The following WWOX variants were observed in gnomAD, a reference collection of about 807,000 sequenced individuals.
WWOX encodes the protein WW domain containing oxidoreductase, also known as WW domain-containing oxidoreductase.
WWOX carries 69 observed loss-of-function variants against 46.2 expected under a neutral mutation model. The observed-to-expected ratio is 1.49, with a 90% CI of 1.23 to 1.82. The LOEUF (loss-of-function observed/expected upper bound fraction) is 1.82. Ranked by LOEUF, WWOX falls within the 40% of genes most tolerant of loss-of-function variation. WWOX has a pLI of 0.00. For missense variants in WWOX, 919 were observed against 542.6 expected (o/e 1.69, Z -6.89); for synonymous variants, 359 against 202.6 (o/e 1.77, Z -6.56).
intron 8 of WWOX, among the ~76,000 whole-genome samples, chr16:79,124,626 G>A (rs914590105): frequency 6.6e-5 from 10 of 152,136 alleles, no homozygotes; most frequent in African/African-American, 2.4e-4. Flanking sequence ...GAGACTTCTT[G>A]TGGAATGATG....
At chr16:78,329,632 G>A (rs1044199755) in intron 5 of WWOX, among the ~76,000 whole-genome samples, 1 of 152,162 alleles carries the variant, frequency 6.6e-6, no homozygotes, top group East Asian at 1.9e-4. Context: ...TCCTGCACAC[G>A]CTTAAGGGAA....
intron 8 of WWOX, among the ~76,000 whole-genome samples, chr16:78,824,839 A>G (rs2151148822): frequency 6.6e-6 from 1 of 152,290 alleles, no homozygotes; most frequent in East Asian, 1.9e-4. Flanking sequence ...GACACACCCA[A>G]AGCATATCAG....
At chr16:78,987,854 A>G (rs78151290) in intron 8 of WWOX, among the ~76,000 whole-genome samples, 3,223 of 152,292 alleles carry the variant, frequency 0.021, 172 homozygotes, top group East Asian at 0.12. Context: ...TAAACAGTGA[A>G]TCAGCCCTGT....
chr16:78,241,885 G>A (rs532311711), intron 5 of WWOX, among the ~76,000 whole-genome samples: 1 of 152,114 alleles, frequency 6.6e-6, no homozygotes, highest in African/African-American at 2.4e-5. Context: ...GCATTGCCTG[G>A]CAGCGTCACG....
At chr16:78,929,628 T>C (rs1567656299) in intron 8 of WWOX, among the ~76,000 whole-genome samples, 1 of 152,144 alleles carries the variant, frequency 6.6e-6, no homozygotes, top group Non-Finnish European at 1.5e-5. Flanking sequence ...CAGGCCCTGC[T>C]TCTATTTCTG....
chr16:78,121,297 C>A (rs970955634), intron 4 of WWOX, among the ~76,000 whole-genome samples: 49 of 152,290 alleles, frequency 3.2e-4, no homozygotes, highest in African/African-American at 1.1e-3. Flanking sequence ...CTAAATTATA[C>A]CCAGGTATTG....
In WWOX at chr16:79,211,949, T is replaced by C. The variant is rs1275208509; in HGVS notation, c.*153T>C. 1 of 1,536,836 alleles carries C rather than the reference T, an allele frequency of 6.5e-7. No individual in the cohort carries two copies. Among genetic ancestry groups the C allele is most frequent in the Non-Finnish European group, 8.7e-7 (1 of 1,146,964 alleles). ...TCACAACAGAGTGAAAAATCTTAAGTACCAATGGGAAGCAGGGAATTCCTG... is the reference window on the plus strand; with the variant it reads ...TCACAACAGAGTGAAAAATCTTAAGCACCAATGGGAAGCAGGGAATTCCTG... On this transcript the variant is annotated 3_prime_UTR_variant, in exon 9 of 9. Coordinates refer to ENST00000566780, the MANE Select transcript of WWOX (RefSeq NM_016373.4).
intron 5 of WWOX, among the ~76,000 whole-genome samples, chr16:78,362,115 T>A (rs1188642460): frequency 6.6e-6 from 1 of 152,092 alleles, no homozygotes. Flanking sequence ...CTCCCCACTT[T>A]TTATGTCCGG....
intron 8 of WWOX, among the ~76,000 whole-genome samples, chr16:78,880,155 T>C (rs1488953761): frequency 6.6e-6 from 1 of 152,240 alleles, no homozygotes; most frequent in Non-Finnish European, 1.5e-5. Flanking sequence ...TCAGAGATGT[T>C]GGATCAAATC....
At chr16:79,073,455 C>G (rs947831816) in intron 8 of WWOX, among the ~76,000 whole-genome samples, 2 of 152,230 alleles carry the variant, frequency 1.3e-5, no homozygotes, top group African/African-American at 4.8e-5. Flanking sequence ...GCTGGGGTTT[C>G]AAGCATGAGC....
intron 8 of WWOX, among the ~76,000 whole-genome samples, chr16:78,797,489 C>T (rs559348645): frequency 3.3e-5 from 5 of 152,030 alleles, no homozygotes; most frequent in South Asian, 2.1e-4. Context: ...GAGATGTTCT[C>T]GAGGCAGCCT....
chr16:78,807,029 G>C (rs1223735461), intron 8 of WWOX, among the ~76,000 whole-genome samples: 1 of 152,208 alleles, frequency 6.6e-6, no homozygotes, highest in Non-Finnish European at 1.5e-5. Context: ...CCCCACATTT[G>C]TGCTGAGGAT....
intron 6 of WWOX, among the ~76,000 whole-genome samples, chr16:78,422,770 C>T (rs565782012): frequency 8.7e-6 from 1 of 115,456 alleles, no homozygotes; most frequent in African/African-American, 5.3e-5. Flanking sequence ...CATATATATA[C>T]ACACATATAT....
intron 8 of WWOX, among the ~76,000 whole-genome samples, chr16:78,611,521 AT>A (rs1291339627): frequency 3.9e-5 from 6 of 152,144 alleles, no homozygotes; most frequent in African/African-American, 7.2e-5. Flanking sequence ...ACAGACACTT[AT>A]GGGAGGTACT....
At chr16:78,902,567 A>G (rs1300642666) in intron 8 of WWOX, among the ~76,000 whole-genome samples, 2 of 152,232 alleles carry the variant, frequency 1.3e-5, no homozygotes, top group Admixed American at 1.3e-4. Context: ...GGCCAAAGAT[A>G]TGCCCGAGTA....
chr16:78,611,459 G>A (rs2045898334), intron 8 of WWOX, among the ~76,000 whole-genome samples: 1 of 152,140 alleles, frequency 6.6e-6, no homozygotes, highest in Non-Finnish European at 1.5e-5. Context: ...AAATGAGCCT[G>A]GTCATATGAC....
intron 8 of WWOX, among the ~76,000 whole-genome samples, chr16:78,828,868 C>T (rs1487448758): frequency 6.6e-6 from 1 of 152,176 alleles, no homozygotes; most frequent in African/African-American, 2.4e-5. Context: ...TTCTGCATTG[C>T]ATTCTTGTAT....
intron 8 of WWOX, among the ~76,000 whole-genome samples, chr16:78,504,820 C>G (rs895694203): frequency 3.9e-5 from 6 of 152,112 alleles, no homozygotes; most frequent in African/African-American, 1.2e-4. Flanking sequence ...TCAGGGCTCT[C>G]TGTGGTAGGC....
At chr16:78,162,261 G>A (rs570474332) in intron 4 of WWOX, among the ~76,000 whole-genome samples, 2 of 152,058 alleles carry the variant, frequency 1.3e-5, no homozygotes, top group South Asian at 2.1e-4. Context: ...TTTTTCAGCT[G>A]TGGCTTCCAT....
Sources: allele counts gnomAD v4.1 joint callset (sites outside exome capture counted in the v4.1 genomes callset), GRCh38; gene constraint gnomAD v4.1.1; transcripts MANE v1.5; gene names NCBI Gene and HGNC (gene_info 2026-07-23, HGNC 2026-07-21).